Variants in CSF1 observed in about 807,000 individuals in gnomAD.
CSF1 encodes macrophage colony-stimulating factor 1.
A neutral mutation model predicts 48.9 loss-of-function variants in CSF1; 9 were observed. The ratio of observed to expected loss-of-function variants is 0.18; its 90% CI spans 0.11 to 0.32. The LOEUF (loss-of-function observed/expected upper bound fraction) is 0.32. CSF1 is among the 10% of genes least tolerant of loss of function. The pLI is 1.00. For synonymous variants in CSF1, 305 were observed against 284.1 expected (o/e 1.07, Z -0.74); for missense variants, 672 against 697.9 (o/e 0.96, Z 0.42).
chr1:109,912,842 C>G (rs1344540100), intron 1 of CSF1, among the ~76,000 whole-genome samples: 1 of 152,190 alleles, frequency 6.6e-6, no homozygotes, highest in Non-Finnish European at 1.5e-5. Flanking sequence ...CCCAACAGAG[C>G]CTGAAGTCCC....
chr1:109,914,448 G>T, intron 2 of CSF1, 67 bp downstream of exon 2: 11 of 1,508,154 alleles, frequency 7.3e-6, no homozygotes, highest in Non-Finnish European at 9.8e-6. Context: ...GAGCCAGGGA[G>T]CAGGTCAAAG....
intron 3 of CSF1, among the ~76,000 whole-genome samples, chr1:109,916,546 C>A (rs1647224000): frequency 6.6e-6 from 1 of 152,190 alleles, no homozygotes; most frequent in African/African-American, 2.4e-5. Flanking sequence ...ACTGTCATGC[C>A]TTTCCACCTG....
Position 109,924,127 on chromosome 1 carries a change from G to T in CSF1, c.1506G>T (p.Val502=). ...AGGAGTCTGTCTTCCACCTGCTGGT[G>T]CCCAGTGTCATCCTGGTCTTGCTGG... The part of the protein sequence containing the change: ...QLQESVFHLL[V]PSVILVLLAV... The change falls in exon 6 of 9, where the codon GTG becomes GTT. Residue 502 remains valine, a synonymous_variant. Transcript: ENST00000329608. 3.7e-6 allele frequency: 6 copies of T among 1,614,126 alleles called. No individual in the cohort carries two copies. Among genetic ancestry groups the T allele is most frequent in the Non-Finnish European group, 5.1e-6 (6 of 1,180,006 alleles).
rs372246073 is a variant in CSF1, at chr1:109,923,510, T to G, written c.889T>G (p.Ser297Ala). The stretch of plus-strand genomic sequence containing the variant: ...CCCCGGGATGGAGGATATTCTTGAC[T>G]CTGCAATGGGCACTAATTGGGTCCC... ...FNPGMEDILDSAMGTNWVPEE... is the reference protein window; with the variant it reads ...FNPGMEDILDAAMGTNWVPEE... Residue 297 changes from serine to alanine, a missense_variant, in exon 6 of 9, where the codon TCT becomes GCT. By Grantham distance (99) the Ser-to-Ala change is moderately conservative. Transcript: ENST00000329608. 1.2e-6 allele frequency: 2 copies of G among 1,613,976 alleles called. No individual in the cohort carries two copies. The highest frequency in any genetic ancestry group is 1.7e-6 in the Non-Finnish European group (2 of 1,180,004).
chr1:109,924,401 C>T (rs891318295), intron 6 of CSF1, among the ~76,000 whole-genome samples: 2 of 152,060 alleles, frequency 1.3e-5, no homozygotes, highest in Non-Finnish European at 2.9e-5. Context: ...TGGGAAGGGA[C>T]TGGAGCAGAA....
At chr1:109,917,956 T>C (rs1647325805) in intron 4 of CSF1, among the ~76,000 whole-genome samples, 1 of 152,134 alleles carries the variant, frequency 6.6e-6, no homozygotes, top group South Asian at 2.1e-4. Context: ...ACATGTAGCA[T>C]GGCAATAACA....
At chr1:109,917,624 G>T (rs1237710491) in intron 4 of CSF1, among the ~76,000 whole-genome samples, 161 bp downstream of exon 4, 1 of 152,198 alleles carries the variant, frequency 6.6e-6, no homozygotes, top group African/African-American at 2.4e-5. Flanking sequence ...CCAGGCAGGA[G>T]GCAGGAGGGA....
At chr1:109,927,145 CCTGA>C (rs3835718) in intron 8 of CSF1, among the ~76,000 whole-genome samples, 8,938 of 152,296 alleles carry the variant, frequency 0.059, 553 homozygotes, top group African/African-American at 0.14. Flanking sequence ...TAGCTGATTG[CCTGA>C]CTAATTGGCT....
Position 109,921,894 on chromosome 1 carries a change from G to C in CSF1, c.444G>C (p.Lys148Asn). Residue 148 changes from lysine (K) to asparagine (N), a missense_variant, in exon 5 of 9, where the codon AAG becomes AAC. This residue lies in a region of CSF1 where 591 missense variants were observed against 593.6 expected (regional missense o/e 1.00). Transcript: ENST00000329608. The part of the protein sequence containing the change: ...FYETPLQLLE[K>N]VKNVFNETKN... ...AGACACCTCTCCAGTTGCTGGAGAAGGTCAAGAATGTCTTTAATGAAACAA... is the reference window on the plus strand; with the variant it reads ...AGACACCTCTCCAGTTGCTGGAGAACGTCAAGAATGTCTTTAATGAAACAA... 6.2e-7 allele frequency: 1 copy of C among 1,611,186 alleles called. No homozygotes were observed. Among genetic ancestry groups the C allele is most frequent in the Non-Finnish European group, 8.5e-7 (1 of 1,178,004 alleles).
At chr1:109,924,338 G>A in intron 6 of CSF1, 148 bp downstream of exon 6, 1 of 694,580 alleles carries the variant, frequency 1.4e-6, no homozygotes, top group Non-Finnish European at 2.4e-6. Flanking sequence ...AGGATGAGAG[G>A]TGGAAATGGA....
intron 4 of CSF1, among the ~76,000 whole-genome samples, chr1:109,918,838 G>A (rs572094382): frequency 2.0e-5 from 3 of 152,090 alleles, no homozygotes; most frequent in Non-Finnish European, 4.4e-5. Flanking sequence ...TATGAGGCAT[G>A]GGGGTTCGGC....
chr1:109,924,271 G>A, intron 6 of CSF1, 81 bp downstream of exon 6: 1 of 1,286,242 alleles, frequency 7.8e-7, no homozygotes. Context: ...TGGGGGGACA[G>A]CTTGGGTGCG....
chr1:109,930,974 A>C lies in CSF1; in HGVS notation c.*2136A>C, dbSNP rs1648045246. The C allele has an allele frequency of 6.6e-6, 1 of 152,214 alleles. No homozygotes were observed. Among genetic ancestry groups the C allele is most frequent in the African/African-American group, 2.4e-5 (1 of 41,448 alleles). The allele number at this position is 152,214 out of a possible 1,614,324, so 9.4% of individuals were successfully genotyped here. A position where few individuals can be genotyped will look rare whatever the true frequency, so the allele number is the denominator to read the frequency against. On this transcript the variant is annotated 3_prime_UTR_variant, in exon 9 of 9. Transcript: ENST00000329608. ...GAAGCTGCTTATATATTTAATAATA[A>C]AAGAAGTGCACAAGCTGCCATGTGA...
intron 7 of CSF1, 127 bp downstream of exon 7, chr1:109,924,955 GAGA>G (rs1340336992): frequency 3.8e-6 from 4 of 1,053,888 alleles, no homozygotes; most frequent in Middle Eastern, 2.9e-4. Flanking sequence ...GGATGGGGGA[GAGA>G]AGAAGGGCCT....
intron 7 of CSF1, 95 bp downstream of exon 7, chr1:109,924,923 G>A: frequency 7.8e-7 from 1 of 1,276,930 alleles, no homozygotes; most frequent in Non-Finnish European, 1.1e-6. Flanking sequence ...TGCTTGCTCT[G>A]AGGAAATGGA....
In CSF1 at chr1:109,923,212, C is replaced by G; in HGVS notation, c.591C>G (p.Ile197Met). The change falls in exon 6 of 9, where the codon ATC (isoleucine) becomes ATG (methionine). Residue 197 changes from isoleucine (I) to methionine (M), a missense_variant. Ile to Met is a conservative substitution (Grantham distance 10, BLOSUM62 1). Around this residue, in one of 3 missense-constraint regions of CSF1, gnomAD observed 591 missense variants for 593.6 expected, o/e 1.00. Transcript: ENST00000329608. Reference sequence around the variant, plus strand: ...GCAACTGCCTGTACCCCAAAGCCATCCCTAGCAGTGACCCGGCCTCTGTCT... The same window carrying G: ...GCAACTGCCTGTACCCCAAAGCCATGCCTAGCAGTGACCCGGCCTCTGTCT... Reference protein sequence around the residue: ...PDCNCLYPKAIPSSDPASVSP... With the variant: ...PDCNCLYPKAMPSSDPASVSP... 6.4e-7 allele frequency: 1 copy of G among 1,551,008 alleles called. No homozygotes were observed. Among genetic ancestry groups the G allele is most frequent in the Non-Finnish European group, 8.7e-7 (1 of 1,150,904 alleles).
rs372246073 is a variant in CSF1, at chr1:109,923,510, T to C, written c.889T>C (p.Ser297Pro). 4 of 1,614,092 alleles carry C rather than the reference T, an allele frequency of 2.5e-6. No individual in the cohort carries two copies. The highest frequency in any genetic ancestry group is 3.4e-6 in the Non-Finnish European group (4 of 1,179,996). Reference sequence around the variant, plus strand: ...CCCCGGGATGGAGGATATTCTTGACTCTGCAATGGGCACTAATTGGGTCCC... The same window carrying C: ...CCCCGGGATGGAGGATATTCTTGACCCTGCAATGGGCACTAATTGGGTCCC... ...FNPGMEDILD[S>P]AMGTNWVPEE... Residue 297 changes from serine to proline, a missense_variant, in exon 6 of 9, where the codon TCT (serine) becomes CCT (proline). Around this residue, in one of 3 missense-constraint regions of CSF1, gnomAD observed 591 missense variants for 593.6 expected, o/e 1.00. Transcript: ENST00000329608.
At position 109,929,206 on chromosome 1, in the gene CSF1, G is replaced by A. The variant is rs1307794992; in HGVS notation, c.*368G>A. ...CCAGGCCAGGGACCCACCGGCCTGTGGTTTGTGGGAAAGCAGGGTGGACGC... is the reference window on the plus strand; with the variant it reads ...CCAGGCCAGGGACCCACCGGCCTGTAGTTTGTGGGAAAGCAGGGTGGACGC... On this transcript the variant is annotated 3_prime_UTR_variant, in exon 9 of 9. Transcript: ENST00000329608. The A allele has an allele frequency of 6.5e-6, 1 of 152,746 alleles. No homozygotes were observed. Among genetic ancestry groups the A allele is most frequent in the East Asian group, 1.9e-4 (1 of 5,184 alleles). The allele number at this position is 152,746 out of a possible 1,614,324, so 9.5% of individuals were successfully genotyped here.
At chr1:109,928,391 G>A (rs1647930739) in intron 8 of CSF1, among the ~76,000 whole-genome samples, 1 of 152,216 alleles carries the variant, frequency 6.6e-6, no homozygotes, top group Admixed American at 6.5e-5. Flanking sequence ...AACATCATAT[G>A]TGATGCCCCT....
Sources: allele counts gnomAD v4.1 joint callset (sites outside exome capture counted in the v4.1 genomes callset), GRCh38; gene constraint gnomAD v4.1.1; regional missense constraint gnomAD v4.1.1; transcripts MANE v1.5; gene names NCBI Gene and HGNC (gene_info 2026-07-23, HGNC 2026-07-21).